Variants in BANK1 observed in about 807,000 individuals in gnomAD.
The protein encoded by BANK1 is B-cell scaffold protein with ankyrin repeats.
A neutral mutation model predicts 94.5 loss-of-function variants in BANK1; 95 were observed. The observed-to-expected ratio is 1.00, with a 90% CI of 0.85 to 1.19. BANK1 has a LOEUF of 1.19. Ranked by LOEUF, BANK1 falls within the 50% of genes most tolerant of loss-of-function variation. The probability of loss-of-function intolerance (pLI) is 0.00; values close to 1 mark genes in which losing one functional copy is unlikely to be tolerated. For missense variants in BANK1, 987 were observed against 932.2 expected, an observed-to-expected ratio of 1.06 and a Z score of -0.77; for synonymous variants, 334 against 308.4, an observed-to-expected ratio of 1.08 and a Z score of -0.87.
chr4:102,035,414 C>T (rs1219220235), intron 10 of BANK1, among the ~76,000 whole-genome samples: 4 of 151,832 alleles, frequency 2.6e-5, no homozygotes, highest in African/African-American at 4.8e-5. Context: ...TTTGGGAGGC[C>T]GAGGCGGGCG....
chr4:101,930,734 A>G (rs944573982), intron 7 of BANK1, among the ~76,000 whole-genome samples: 6 of 151,542 alleles, frequency 4.0e-5, no homozygotes, highest in Non-Finnish European at 8.9e-5. Flanking sequence ...CCAAGGTCAC[A>G]CATTTGGTAA....
chr4:102,057,745 C>T (rs562320831), intron 11 of BANK1, among the ~76,000 whole-genome samples: 1 of 152,110 alleles, frequency 6.6e-6, no homozygotes, highest in Non-Finnish European at 1.5e-5. Flanking sequence ...TGACATAGTA[C>T]TTACAGCATG....
chr4:101,871,541 T>C (rs187498715), intron 5 of BANK1, among the ~76,000 whole-genome samples: 2 of 152,294 alleles, frequency 1.3e-5, no homozygotes, highest in East Asian at 3.9e-4. Flanking sequence ...GTTTTATTTT[T>C]ATATTATATG....
chr4:101,906,770 A>G (rs996252763), intron 6 of BANK1, among the ~76,000 whole-genome samples: 4 of 152,256 alleles, frequency 2.6e-5, no homozygotes, highest in Admixed American at 2.6e-4. Context: ...TAAGAGTACT[A>G]GGGTGTCTTC....
intron 7 of BANK1, among the ~76,000 whole-genome samples, chr4:101,932,063 AG>A (rs1448540698): frequency 6.6e-6 from 1 of 151,558 alleles, no homozygotes; most frequent in Non-Finnish European, 1.5e-5. Flanking sequence ...ATTTTAAGAA[AG>A]TAAAGGGACC....
chr4:101,948,808 C>A (rs890692802), intron 7 of BANK1, among the ~76,000 whole-genome samples: 63 of 152,190 alleles, frequency 4.1e-4, no homozygotes, highest in African/African-American at 1.4e-3. Flanking sequence ...TTTATGAGTT[C>A]TTGGGTCCTG....
intron 1 of BANK1, among the ~76,000 whole-genome samples, chr4:101,810,312 C>T (rs559801698): frequency 6.6e-6 from 1 of 152,282 alleles, no homozygotes; most frequent in Non-Finnish European, 1.5e-5. Flanking sequence ...GCTTTAAACC[C>T]ACTAAATTTG....
chr4:101,844,447 A>T (rs151176767), intron 2 of BANK1, among the ~76,000 whole-genome samples: 54 of 152,312 alleles, frequency 3.5e-4, no homozygotes, highest in Non-Finnish European at 5.1e-4. Flanking sequence ...GGCCTTTCCT[A>T]TCTCAGAACA....
chr4:101,961,308 C>T (rs1034662145), intron 7 of BANK1, among the ~76,000 whole-genome samples: 1 of 152,126 alleles, frequency 6.6e-6, no homozygotes, highest in East Asian at 1.9e-4. Flanking sequence ...GAAAAGTTAG[C>T]GTCAGCCATG....
intron 7 of BANK1, among the ~76,000 whole-genome samples, chr4:101,942,370 G>GCCCA (rs1333061060): frequency 6.6e-6 from 1 of 151,898 alleles, no homozygotes; most frequent in Non-Finnish European, 1.5e-5. Flanking sequence ...AGAGCCTGTA[G>GCCCA]TGGGCATCTT....
chr4:102,010,137 C>T (rs532547562), intron 7 of BANK1, among the ~76,000 whole-genome samples: 169 of 151,524 alleles, frequency 1.1e-3, no homozygotes, highest in Admixed American at 4.7e-3. Context: ...TGGTGGCGGG[C>T]GCCTGTAGTC....
chr4:101,893,946 A>T (rs953201435), intron 5 of BANK1, among the ~76,000 whole-genome samples: 1 of 152,018 alleles, frequency 6.6e-6, no homozygotes, highest in African/African-American at 2.4e-5. Context: ...AAGTACCTAG[A>T]GTCCTTAACC....
intron 7 of BANK1, among the ~76,000 whole-genome samples, chr4:101,956,266 T>C (rs900941857): frequency 3.9e-5 from 6 of 152,168 alleles, no homozygotes; most frequent in African/African-American, 1.4e-4. Flanking sequence ...AAAAGTGAAC[T>C]AAGTGACCTC....
intron 5 of BANK1, among the ~76,000 whole-genome samples, chr4:101,880,385 AG>A (rs1294911813): frequency 2.6e-5 from 4 of 152,054 alleles, no homozygotes; most frequent in African/African-American, 9.7e-5. Flanking sequence ...AAAAAGTGAA[AG>A]ATATCTATAA....
At chr4:101,910,251 C>T (rs1235994443) in intron 6 of BANK1, among the ~76,000 whole-genome samples, 1 of 152,144 alleles carries the variant, frequency 6.6e-6, no homozygotes, top group Non-Finnish European at 1.5e-5. Flanking sequence ...TGATTCTACT[C>T]CTGTGAATCA....
chr4:101,812,025 T>G (rs1309820606), intron 1 of BANK1, among the ~76,000 whole-genome samples: 2 of 152,018 alleles, frequency 1.3e-5, no homozygotes, highest in Non-Finnish European at 2.9e-5. Flanking sequence ...AAAGTTTAAG[T>G]GATTAGAGAA....
chr4:101,866,463 CAG>C (rs1441640933), intron 4 of BANK1, among the ~76,000 whole-genome samples: 1 of 151,872 alleles, frequency 6.6e-6, no homozygotes, highest in African/African-American at 2.4e-5. Flanking sequence ...ATATTAATGA[CAG>C]ATCAAAATAC....
chr4:101,895,580 C>T (rs1387761234), intron 6 of BANK1, among the ~76,000 whole-genome samples, 170 bp downstream of exon 6: 2 of 151,756 alleles, frequency 1.3e-5, no homozygotes, highest in Non-Finnish European at 2.9e-5. Context: ...TCTGAATGTT[C>T]GTTTGGTAAT....
intron 10 of BANK1, among the ~76,000 whole-genome samples, chr4:102,043,491 G>A (rs1727771467): frequency 6.6e-6 from 1 of 151,984 alleles, no homozygotes; most frequent in South Asian, 2.1e-4. Context: ...TAATTTCTGT[G>A]CAAATGGAAT....
Sources: allele counts gnomAD v4.1 joint callset (sites outside exome capture counted in the v4.1 genomes callset), GRCh38; gene constraint gnomAD v4.1.1; transcripts MANE v1.5; gene names NCBI Gene and HGNC (gene_info 2026-07-23, HGNC 2026-07-21).